The following MACROD1 variants were observed in gnomAD, a reference collection of about 807,000 sequenced individuals.
MACROD1 encodes the protein mono-ADP ribosylhydrolase 1, also known as ADP-ribose glycohydrolase MACROD1.
A neutral mutation model predicts 41.4 loss-of-function variants in MACROD1; 31 were observed. The observed-to-expected ratio is 0.75, with a 90% confidence interval of 0.56 to 1.01. MACROD1 has a LOEUF of 1.01. Ranked by LOEUF, MACROD1 falls within the 50% of genes least tolerant of loss-of-function variation. The probability of loss-of-function intolerance (pLI) is 0.00; values close to 1 mark genes in which losing one functional copy is unlikely to be tolerated. For synonymous variants in MACROD1, 252 were observed against 203.4 expected, an observed-to-expected ratio of 1.24 and a Z score of -2.03; for missense variants, 473 against 460.0, an observed-to-expected ratio of 1.03 and a Z score of -0.26.
intron 3 of MACROD1, among the ~76,000 whole-genome samples, chr11:64,022,698 TC>T (rs934035507): frequency 2.0e-5 from 3 of 151,940 alleles, no homozygotes; most frequent in Admixed American, 6.6e-5. Context: ...ACAAGCTCTG[TC>T]CCCCCAGGCC....
chr11:64,117,530 C>A (rs1388570459), intron 3 of MACROD1: 1 of 1,603,340 alleles, frequency 6.2e-7, no homozygotes. Flanking sequence ...GGCTGCGCCT[C>A]CCCGACTCCA....
intron 3 of MACROD1, among the ~76,000 whole-genome samples, chr11:64,048,032 G>A (rs534130925): frequency 6.6e-6 from 1 of 152,324 alleles, no homozygotes; most frequent in Admixed American, 6.5e-5. Context: ...TTCAGAGTGG[G>A]GATGCTGGCA....
chr11:64,154,967 T>C (rs977453036), intron 1 of MACROD1, among the ~76,000 whole-genome samples: 1 of 152,202 alleles, frequency 6.6e-6, no homozygotes, highest in African/African-American at 2.4e-5. Context: ...AATCCACCCA[T>C]GTCAGCCTCC....
intron 3 of MACROD1, among the ~76,000 whole-genome samples, chr11:64,049,910 G>A (rs764800775): frequency 1.2e-4 from 18 of 152,216 alleles, no homozygotes; most frequent in Non-Finnish European, 2.6e-4. Flanking sequence ...AGACCAAGAC[G>A]CTGTGGCCCC....
At chr11:64,080,712 G>A (rs532494215) in intron 3 of MACROD1, among the ~76,000 whole-genome samples, 19 of 152,324 alleles carry the variant, frequency 1.2e-4, no homozygotes, top group African/African-American at 4.1e-4. Context: ...CAGGACCGGG[G>A]AAGGAGGACG....
intron 1 of MACROD1, among the ~76,000 whole-genome samples, chr11:64,156,597 T>A (rs926720319): frequency 6.6e-6 from 1 of 152,054 alleles, no homozygotes; most frequent in Non-Finnish European, 1.5e-5. Context: ...GGAGGCAGAG[T>A]GACCTGCCCC....
intron 3 of MACROD1, among the ~76,000 whole-genome samples, chr11:64,033,964 G>T (rs927331976): frequency 2.6e-5 from 4 of 152,166 alleles, no homozygotes; most frequent in Non-Finnish European, 2.9e-5. Context: ...ACCATGGCTG[G>T]CTCGAAGATA....
At chr11:64,132,414 G>A (rs528873291) in intron 3 of MACROD1, among the ~76,000 whole-genome samples, 53 of 143,746 alleles carry the variant, frequency 3.7e-4, no homozygotes, top group African/African-American at 8.8e-4. Flanking sequence ...GGGCCCTGGC[G>A]GATGGATTGG....
chr11:64,092,539 G>A (rs1390086368), intron 3 of MACROD1, among the ~76,000 whole-genome samples: 2 of 152,210 alleles, frequency 1.3e-5, no homozygotes, highest in African/African-American at 2.4e-5. Flanking sequence ...CTCAGAGACC[G>A]CGTGTGGTCA....
At chr11:64,039,313 T>C (rs976679909) in intron 3 of MACROD1, among the ~76,000 whole-genome samples, 2 of 152,138 alleles carry the variant, frequency 1.3e-5, no homozygotes, top group African/African-American at 4.8e-5. Flanking sequence ...TAGCTTTCCC[T>C]GCTCACTGGC....
intron 3 of MACROD1, among the ~76,000 whole-genome samples, chr11:64,055,129 G>C (rs1440286906): frequency 2.6e-5 from 4 of 152,194 alleles, no homozygotes; most frequent in African/African-American, 9.7e-5. Context: ...CCTGAGAGCA[G>C]CCCTGGGCTT....
At chr11:64,037,475 C>G (rs1943404436) in intron 3 of MACROD1, among the ~76,000 whole-genome samples, 1 of 152,204 alleles carries the variant, frequency 6.6e-6, no homozygotes, top group South Asian at 2.1e-4. Flanking sequence ...GGCGACTGTT[C>G]AGGGCTTCCT....
At chr11:63,999,596 G>A (rs1011435906) in intron 6 of MACROD1, 36 bp from the exon 7 acceptor site, 4 of 1,609,876 alleles carry the variant, frequency 2.5e-6, no homozygotes, top group Non-Finnish European at 3.4e-6. Context: ...TTGGAACATT[G>A]TCACTGCGCC....
At chr11:64,087,890 C>T (rs1944422171) in intron 3 of MACROD1, among the ~76,000 whole-genome samples, 1 of 152,210 alleles carries the variant, frequency 6.6e-6, no homozygotes, top group Admixed American at 6.5e-5. Flanking sequence ...GGGCTTAGCT[C>T]CTTCTTTCTG....
At chr11:64,116,863 C>T (rs532186794) in intron 3 of MACROD1, 12 of 1,612,410 alleles carry the variant, frequency 7.4e-6, no homozygotes, top group South Asian at 2.2e-5. Context: ...CTGCCGCACA[C>T]GCTGGAGGAG....
intron 3 of MACROD1, among the ~76,000 whole-genome samples, chr11:64,130,059 CAGG>C (rs951592904): frequency 6.6e-6 from 1 of 152,112 alleles, no homozygotes; most frequent in African/African-American, 2.4e-5. Flanking sequence ...AGCTGGATGC[CAGG>C]AGATGGGGTG....
intron 3 of MACROD1, among the ~76,000 whole-genome samples, chr11:64,113,303 G>A (rs1392316136): frequency 2.0e-5 from 3 of 152,244 alleles, no homozygotes; most frequent in African/African-American, 7.2e-5. Flanking sequence ...GGAATCCCAA[G>A]TGGCTACAAC....
rs554325817 is a variant in MACROD1, at chr11:64,089,556, C to T, written c.517+61683G>A. ...TCCATGCACTTTCCTTCCCAGCTGC[C>T]GGGTCGGCAGCCACGGACCAGAGAA... On this transcript the variant is annotated intron_variant, in intron 3 of 10. Transcript: ENST00000255681. 1.1e-4 allele frequency among the ~76,000 whole-genome samples: 17 copies of T among 152,320 alleles called. No homozygotes were observed. In the East Asian group the frequency reaches 2.9e-3, roughly 26 times the overall value.
intron 3 of MACROD1, among the ~76,000 whole-genome samples, chr11:64,095,248 T>C (rs961110553): frequency 3.3e-5 from 5 of 152,194 alleles, no homozygotes; most frequent in African/African-American, 1.2e-4. Context: ...AGCTAGTCTC[T>C]CAGGCGCACT....
Sources: allele counts gnomAD v4.1 joint callset (sites outside exome capture counted in the v4.1 genomes callset), GRCh38; gene constraint gnomAD v4.1.1; transcripts MANE v1.5; gene names NCBI Gene and HGNC (gene_info 2026-07-23, HGNC 2026-07-21).